The following FNIP1 variants were observed in gnomAD, a reference collection of about 807,000 sequenced individuals.
The protein encoded by FNIP1 is folliculin interacting protein 1.
A neutral mutation model predicts 124.5 loss-of-function variants in FNIP1; 40 were observed. The observed-to-expected ratio is 0.32, with a 90% confidence interval of 0.25 to 0.42. The LOEUF (loss-of-function observed/expected upper bound fraction) is 0.42, where lower values mean the gene tolerates loss of function less well. Ranked by LOEUF, FNIP1 falls within the 10% of genes least tolerant of loss-of-function variation. The pLI is 1.00. For synonymous variants in FNIP1, 472 were observed against 470.6 expected, an observed-to-expected ratio of 1.00 and a Z score of -0.04; for missense variants, 1,176 against 1,403.7, an observed-to-expected ratio of 0.84 and a Z score of 2.59.
At chr5:131,685,335 T>C (rs943576229) in intron 11 of FNIP1, among the ~76,000 whole-genome samples, 3 of 151,990 alleles carry the variant, frequency 2.0e-5, no homozygotes, top group African/African-American at 7.2e-5. Flanking sequence ...ACAAAAACAA[T>C]TTAAACCACA....
chr5:131,646,107 C>G (rs188331876), intron 17 of FNIP1, among the ~76,000 whole-genome samples: 1 of 152,234 alleles, frequency 6.6e-6, no homozygotes, highest in Non-Finnish European at 1.5e-5. Context: ...CCCAGAAAAA[C>G]AAGGTTATAT....
chr5:131,779,075 A>G (rs560595720), intron 1 of FNIP1, among the ~76,000 whole-genome samples: 4 of 144,292 alleles, frequency 2.8e-5, no homozygotes, highest in Admixed American at 6.8e-5. Context: ...GCAGCGCACC[A>G]GCATGGCACA....
At chr5:131,718,463 T>C (rs1258785713) in intron 5 of FNIP1, among the ~76,000 whole-genome samples, 1 of 152,188 alleles carries the variant, frequency 6.6e-6, no homozygotes, top group Non-Finnish European at 1.5e-5. Context: ...CCCCAGTAAT[T>C]TACTAGGTTC....
At chr5:131,658,510 C>G (rs1767278628) in intron 15 of FNIP1, among the ~76,000 whole-genome samples, 2 of 151,948 alleles carry the variant, frequency 1.3e-5, no homozygotes, top group South Asian at 4.1e-4. Flanking sequence ...TGCCTCTACC[C>G]ACTCCAAGGG....
intron 1 of FNIP1, among the ~76,000 whole-genome samples, chr5:131,773,561 T>C (rs1435936094): frequency 6.6e-6 from 1 of 152,212 alleles, no homozygotes; most frequent in Non-Finnish European, 1.5e-5. Flanking sequence ...TGATCACCAA[T>C]AGGAATCATA....
chr5:131,772,146 T>C (rs1771655773), intron 1 of FNIP1, among the ~76,000 whole-genome samples: 2 of 152,098 alleles, frequency 1.3e-5, no homozygotes, highest in South Asian at 4.1e-4. Context: ...AAGAACCTGA[T>C]ACAAAAGGCT....
At chr5:131,651,556 T>C (rs1302848936) in intron 16 of FNIP1, among the ~76,000 whole-genome samples, 1 of 152,100 alleles carries the variant, frequency 6.6e-6, no homozygotes, top group East Asian at 1.9e-4. Context: ...GAACAATCTT[T>C]CTCTTCCTCA....
At chr5:131,759,707 G>T (rs1478621164) in intron 1 of FNIP1, among the ~76,000 whole-genome samples, 1 of 152,128 alleles carries the variant, frequency 6.6e-6, no homozygotes, top group Non-Finnish European at 1.5e-5. Flanking sequence ...ATTTAAAACA[G>T]CTACCATTTG....
Position 131,796,884 on chromosome 5 carries a change from C to T in FNIP1, c.38G>A (p.Arg13Lys). ...PTLFQKLFSKRTGLGAPGRDA... is the reference protein window; with the variant it reads ...PTLFQKLFSKKTGLGAPGRDA... ...GCGGCCGGGCGCGCCCAGCCCGGTCCTCTTGCTGAAGAGCTTCTGGAACAG... is the reference window on the plus strand; with the variant it reads ...GCGGCCGGGCGCGCCCAGCCCGGTCTTCTTGCTGAAGAGCTTCTGGAACAG... Residue 13 changes from arginine to lysine, a missense_variant, in exon 1 of 18, where the codon AGG becomes AAG. By Grantham distance (26) the Arg-to-Lys change is conservative. Transcript: ENST00000510461. 6.2e-7 allele frequency: 1 copy of T among 1,609,232 alleles called. No homozygotes were observed. The highest frequency in any genetic ancestry group is 8.5e-7 in the Non-Finnish European group (1 of 1,178,454).
chr5:131,664,842 TATAA>T (rs1351214945), intron 15 of FNIP1, among the ~76,000 whole-genome samples: 2 of 150,770 alleles, frequency 1.3e-5, no homozygotes, highest in East Asian at 1.9e-4. Context: ...TATGGGTATA[TATAA>T]ATACATATAC....
chr5:131,793,613 G>C (rs771278823), intron 1 of FNIP1, among the ~76,000 whole-genome samples: 49 of 152,250 alleles, frequency 3.2e-4, no homozygotes, highest in Admixed American at 1.6e-3. Flanking sequence ...ACAAGGGAAG[G>C]GGGTATTTCC....
chr5:131,719,980 CAT>C (rs1334815702), intron 3 of FNIP1, among the ~76,000 whole-genome samples: 4 of 152,122 alleles, frequency 2.6e-5, no homozygotes, highest in African/African-American at 9.7e-5. Context: ...AACAGAAAAA[CAT>C]ATTAAAATTC....
chr5:131,716,223 T>G lies in FNIP1; in HGVS notation c.622+342A>C, dbSNP rs141295366. 5.2e-3 allele frequency among the ~76,000 whole-genome samples: 790 copies of G among 152,302 alleles called. 4 individuals are homozygous for G. The highest frequency in any genetic ancestry group is 0.017 in the African/African-American group (725 of 41,564). On this transcript the variant is annotated intron_variant, in intron 6 of 17. Transcript: ENST00000510461. ...CAGAAGGAAGAAGGTGTAATAGTCT[T>G]CCTCAGCTGAAATAGCCAAAAGAAC...
At chr5:131,669,031 C>T (rs1480956512) in intron 15 of FNIP1, among the ~76,000 whole-genome samples, 1 of 152,184 alleles carries the variant, frequency 6.6e-6, no homozygotes, top group Non-Finnish European at 1.5e-5. Flanking sequence ...GGGGACATCA[C>T]TAGCAACCTT....
chr5:131,669,603 T>C (rs1164161013), intron 15 of FNIP1, among the ~76,000 whole-genome samples: 3 of 151,858 alleles, frequency 2.0e-5, no homozygotes, highest in South Asian at 2.1e-4. Context: ...TCAATAGACA[T>C]TGAGAAAAAG....
At position 131,753,720 on chromosome 5, in the gene FNIP1, C is replaced by T. The variant is rs185629051; in HGVS notation, c.93-9030G>A. Among the ~76,000 whole-genome samples the T allele has an allele frequency of 3.3e-5, 5 of 151,850 alleles. No individual in the cohort carries two copies. In the East Asian group the frequency reaches 9.7e-4, roughly 29 times the overall value. On this transcript the variant is annotated intron_variant, in intron 1 of 17. Coordinates refer to ENST00000510461, the MANE Select transcript of FNIP1 (RefSeq NM_133372.3). Reference sequence around the variant, plus strand: ...AATAAATTATACATTTTATTATATGCAAATTATAGCTCAATTTTTAAAAGA... The same window carrying T: ...AATAAATTATACATTTTATTATATGTAAATTATAGCTCAATTTTTAAAAGA...
At chr5:131,675,451 A>T (rs1767882515) in intron 13 of FNIP1, among the ~76,000 whole-genome samples, 1 of 152,224 alleles carries the variant, frequency 6.6e-6, no homozygotes, top group African/African-American at 2.4e-5. Context: ...TTGTAGAATT[A>T]AAAAAGGATT....
intron 11 of FNIP1, among the ~76,000 whole-genome samples, chr5:131,689,573 C>T (rs1220453939): frequency 2.0e-5 from 3 of 152,090 alleles, no homozygotes; most frequent in Admixed American, 2.0e-4. Flanking sequence ...GAAGTATGTG[C>T]ACTCCCTGTG....
chr5:131,727,093 G>T (rs1336498407), intron 3 of FNIP1, among the ~76,000 whole-genome samples: 1 of 152,186 alleles, frequency 6.6e-6, no homozygotes, highest in Non-Finnish European at 1.5e-5. Flanking sequence ...TAGAATAAGT[G>T]TGATGTGTTG....
Sources: allele counts gnomAD v4.1 joint callset (sites outside exome capture counted in the v4.1 genomes callset), GRCh38; gene constraint gnomAD v4.1.1; transcripts MANE v1.5; gene names NCBI Gene and HGNC (gene_info 2026-07-23, HGNC 2026-07-21).